The following GLT1D1 variants were observed in gnomAD, a reference collection of about 807,000 sequenced individuals.
The protein encoded by GLT1D1 is glycosyltransferase 1 domain containing 1.
A neutral mutation model predicts 28.7 loss-of-function variants in GLT1D1; 21 were observed. The observed-to-expected ratio is 0.73, with a 90% CI of 0.52 to 1.05. The LOEUF (loss-of-function observed/expected upper bound fraction) is 1.05, where lower values mean the gene tolerates loss of function less well. Among genes scored for constraint, GLT1D1 ranks in the 50% least tolerant of loss-of-function variants. GLT1D1 has a pLI of 0.00. For synonymous variants in GLT1D1, 147 were observed against 124.8 expected (o/e 1.18, Z -1.19); for missense variants, 343 against 330.6 (o/e 1.04, Z -0.29).
intron 3 of GLT1D1, among the ~76,000 whole-genome samples, chr12:128,897,661 G>A (rs1209650769): frequency 6.6e-6 from 1 of 152,064 alleles, no homozygotes; most frequent in Non-Finnish European, 1.5e-5. Context: ...CTTATGCTAT[G>A]TCAAATTCTT....
In GLT1D1 at chr12:128,920,918, G is replaced by A. The variant is rs528495450; in HGVS notation, c.375+21631G>A. On this transcript the variant is annotated intron_variant, in intron 4 of 7. Transcript: ENST00000281703. ...GAGACAACATTTATTAAAAAAATTA[G>A]TCAGGTATGTGCCCTGTCTCTGAGC... Among the ~76,000 whole-genome samples the A allele has an allele frequency of 1.3e-4, 20 of 152,326 alleles. No homozygotes were observed. In the South Asian group the frequency reaches 3.7e-3, roughly 28 times the overall value.
chr12:128,877,121 T>G (rs1160096548), intron 2 of GLT1D1, among the ~76,000 whole-genome samples: 1 of 152,156 alleles, frequency 6.6e-6, no homozygotes, highest in East Asian at 1.9e-4. Context: ...TGTGGAAAAT[T>G]TTTCTTAACA....
At chr12:128,865,128 C>T (rs113822469) in intron 1 of GLT1D1, among the ~76,000 whole-genome samples, 2,329 of 152,278 alleles carry the variant, frequency 0.015, 43 homozygotes, top group African/African-American at 0.053. Flanking sequence ...CCAACACACG[C>T]CGAGGCTTCT....
At chr12:128,945,176 C>G (rs948068332) in intron 4 of GLT1D1, 150 bp from the exon 9 acceptor site, 1 of 805,312 alleles carries the variant, frequency 1.2e-6, no homozygotes. Context: ...CCCATGATCA[C>G]CACACGCAGC....
rs1880555683 is a variant in GLT1D1, at chr12:128,983,861, C to T, written c.*771C>T. The T allele has an allele frequency of 6.6e-6, 1 of 152,244 alleles. No individual in the cohort carries two copies. The highest frequency in any genetic ancestry group is 1.5e-5 in the Non-Finnish European group (1 of 68,076). The allele number at this position is 152,244 out of a possible 1,614,324, so 9.4% of individuals were successfully genotyped here. A position where few individuals can be genotyped will look rare whatever the true frequency, so the allele number is the denominator to read the frequency against. On this transcript the variant is annotated 3_prime_UTR_variant, in exon 8 of 8. Transcript: ENST00000281703. This position sits in a 1 kb window ranked among gnomAD's most constrained non-coding sequence, Gnocchi z 4.7. ...GCTCTTCCCCTTCCCACATCAGGGA[C>T]CCGGGGATGGATGTCGGAAGGGTCA...
intron 4 of GLT1D1, among the ~76,000 whole-genome samples, chr12:128,922,162 C>CTGTGTGTGTG (rs57835879): frequency 6.3e-4 from 93 of 148,800 alleles, no homozygotes; most frequent in African/African-American, 2.0e-3. Context: ...TATGTAAACT[C>CTGTGTGTGTG]TGTGTGTGTG....
At chr12:128,894,420 C>T (rs1239531444) in intron 3 of GLT1D1, among the ~76,000 whole-genome samples, 1 of 152,106 alleles carries the variant, frequency 6.6e-6, no homozygotes, top group Non-Finnish European at 1.5e-5. Flanking sequence ...GTAATTATTC[C>T]TGTGGTGTTT....
At chr12:128,870,836 C>A (rs1956665575) in intron 1 of GLT1D1, among the ~76,000 whole-genome samples, 1 of 151,940 alleles carries the variant, frequency 6.6e-6, no homozygotes, top group South Asian at 2.1e-4. Context: ...ACTAAAAATA[C>A]AAAAATTAGC....
intron 5 of GLT1D1, 126 bp from the exon 10 acceptor site, chr12:128,947,212 C>T (rs1469749515): frequency 1.2e-5 from 13 of 1,049,858 alleles, no homozygotes; most frequent in Middle Eastern, 3.1e-4. Flanking sequence ...CCTGGCTGAA[C>T]GCTTGGTCAA....
chr12:128,931,577 G>A (rs1400804655), intron 4 of GLT1D1, among the ~76,000 whole-genome samples: 2 of 152,102 alleles, frequency 1.3e-5, no homozygotes, highest in African/African-American at 4.8e-5. Context: ...CAAAGTGCTG[G>A]GATTACAGGT....
chr12:128,932,365 G>A (rs1316730646), intron 4 of GLT1D1, among the ~76,000 whole-genome samples: 2 of 152,200 alleles, frequency 1.3e-5, no homozygotes, highest in African/African-American at 2.4e-5. Context: ...GTCCAGCCCA[G>A]CACGTTAGTT....
chr12:128,904,738 A>C (rs7959189), intron 4 of GLT1D1, among the ~76,000 whole-genome samples: 62,322 of 149,272 alleles, frequency 0.42, 14,835 homozygotes, highest in Admixed American at 0.61. Context: ...GATTCAAGCG[A>C]TTCTCCTGCC....
intron 1 of GLT1D1, among the ~76,000 whole-genome samples, chr12:128,854,820 T>G (rs1956174906): frequency 6.6e-6 from 1 of 152,134 alleles, no homozygotes; most frequent in African/African-American, 2.4e-5. Context: ...AATGAGCAAT[T>G]GAGACTCCAC....
At chr12:128,946,735 G>A (rs756768865) in intron 5 of GLT1D1, among the ~76,000 whole-genome samples, 56 of 129,760 alleles carry the variant, frequency 4.3e-4, no homozygotes, top group Non-Finnish European at 5.6e-4. Flanking sequence ...TGCAATCTCC[G>A]CCTCCCGGGT....
intron 1 of GLT1D1, among the ~76,000 whole-genome samples, chr12:128,874,263 C>T (rs914197514): frequency 1.9e-4 from 28 of 150,128 alleles, no homozygotes; most frequent in Non-Finnish European, 3.5e-4. Flanking sequence ...CTCACTGCAA[C>T]GTTTGCCTCC....
intron 4 of GLT1D1, among the ~76,000 whole-genome samples, chr12:128,939,837 A>ACCCCCCC (rs34870104): frequency 1.6e-4 from 16 of 97,592 alleles, no homozygotes; most frequent in African/African-American, 3.7e-4. Context: ...ATTGTTAGAA[A>ACCCCCCC]CCCCCCCCCA....
intron 1 of GLT1D1, among the ~76,000 whole-genome samples, chr12:128,874,117 TCTCTCTC>T (rs1566091345): frequency 1.1e-3 from 75 of 67,980 alleles, no homozygotes; most frequent in African/African-American, 4.6e-3. Flanking sequence ...TCTCTCTCTC[TCTCTCTC>T]TCTTTCTTTC....
At chr12:128,866,161 C>T (rs757683964) in intron 1 of GLT1D1, among the ~76,000 whole-genome samples, 8 of 150,902 alleles carry the variant, frequency 5.3e-5, no homozygotes, top group African/African-American at 7.3e-5. Context: ...CTCTGCCTGC[C>T]GGGTTCATGC....
intron 6 of GLT1D1, among the ~76,000 whole-genome samples, chr12:128,948,984 C>CGAT (rs199883616): frequency 0.023 from 3,517 of 152,326 alleles, 65 homozygotes; most frequent in South Asian, 0.039. Flanking sequence ...ACGTGATCAT[C>CGAT]CTCAGCCAGA....
Sources: gnomAD v4.1 joint callset for allele counts (sites outside exome capture counted in the v4.1 genomes callset) on GRCh38, gnomAD v4.1.1 for gene constraint, Gnocchi (gnomAD v3.1) non-coding constraint, MANE v1.5 for transcripts, NCBI Gene and HGNC (gene_info 2026-07-23, HGNC 2026-07-21) for gene names.